Variants in GALNT18 observed in about 807,000 individuals in gnomAD.
GALNT18 encodes polypeptide N-acetylgalactosaminyltransferase 18.
A neutral mutation model predicts 69.5 loss-of-function variants in GALNT18; 44 were observed. That is an observed-to-expected ratio of 0.63 (90% CI 0.50 to 0.81). The LOEUF (loss-of-function observed/expected upper bound fraction) is 0.81, where lower values mean the gene tolerates loss of function less well. Ranked by LOEUF, GALNT18 falls within the 40% of genes least tolerant of loss-of-function variation. The pLI, the probability that GALNT18 is intolerant of heterozygous loss-of-function variation, is 0.00. For synonymous variants in GALNT18, 364 were observed against 318.2 expected (o/e 1.14, Z -1.53); for missense variants, 715 against 810.0 (o/e 0.88, Z 1.42).
chr11:11,278,134 C>T (rs1294730342), intron 10 of GALNT18, among the ~76,000 whole-genome samples: 1 of 151,634 alleles, frequency 6.6e-6, no homozygotes, highest in Non-Finnish European at 1.5e-5. Context: ...GTGTGGGGGT[C>T]TAAGTCTCAT....
chr11:11,401,817 C>A (rs1394812759), intron 3 of GALNT18, among the ~76,000 whole-genome samples: 1 of 152,112 alleles, frequency 6.6e-6, no homozygotes, highest in African/African-American at 2.4e-5. Flanking sequence ...AGTTCCTAGC[C>A]AAAGGGAAGG....
rs563914100 is a variant in GALNT18, at chr11:11,562,098, A to C, written c.235+59261T>G. On this transcript the variant is annotated intron_variant, in intron 1 of 10. Coordinates refer to ENST00000227756, the MANE Select transcript of GALNT18 (RefSeq NM_198516.3). The surrounding 1 kb of genome is among the most constrained non-coding windows in gnomAD (Gnocchi z 4.1). The stretch of plus-strand genomic sequence containing the variant: ...GGATTGCTCCCTGCATTAGTTTGCT[A>C]GTGCTGTCCTAACTAAGTAGCACAG... Among the ~76,000 whole-genome samples the C allele has an allele frequency of 6.6e-6, 1 of 152,350 alleles. No individual in the cohort carries two copies. Among genetic ancestry groups the C allele is most frequent in the Admixed American group, 6.5e-5 (1 of 15,302 alleles).
chr11:11,311,371 T>C (rs991367117), intron 9 of GALNT18, among the ~76,000 whole-genome samples: 2 of 152,254 alleles, frequency 1.3e-5, no homozygotes, highest in African/African-American at 4.8e-5. Flanking sequence ...TTGCAACTTA[T>C]ACTCTGTCAC....
At chr11:11,392,632 GA>G (rs1162623182) in intron 3 of GALNT18, among the ~76,000 whole-genome samples, 3 of 151,906 alleles carry the variant, frequency 2.0e-5, no homozygotes, top group Non-Finnish European at 4.4e-5. Flanking sequence ...AAAGAAAAAA[GA>G]AAAAAAGTCA....
Position 11,621,328 on chromosome 11 carries a change from T to C in GALNT18, c.235+31A>G. Reference sequence around the variant, plus strand: ...CCGCGCGGGGCACTCCCGGGCCTCATGGGCGACCCAAGTTTCCGGGGCGCC... The same window carrying C: ...CCGCGCGGGGCACTCCCGGGCCTCACGGGCGACCCAAGTTTCCGGGGCGCC... On this transcript the variant is annotated intron_variant, in intron 1 of 10. Transcript: ENST00000227756. This position sits in a 1 kb window ranked among gnomAD's most constrained non-coding sequence, Gnocchi z 9.3. 2 of 1,593,986 alleles carry C rather than the reference T, an allele frequency of 1.3e-6. No homozygotes were observed. The highest frequency in any genetic ancestry group is 1.1e-5 in the South Asian group (1 of 90,454).
At chr11:11,316,444 C>A (rs781727243) in intron 9 of GALNT18, among the ~76,000 whole-genome samples, 1 of 152,152 alleles carries the variant, frequency 6.6e-6, no homozygotes, top group Non-Finnish European at 1.5e-5. Context: ...AATGCCCCTG[C>A]GGACACTGGG....
At chr11:11,531,952 G>A (rs538034731) in intron 1 of GALNT18, among the ~76,000 whole-genome samples, 18 of 152,244 alleles carry the variant, frequency 1.2e-4, no homozygotes, top group East Asian at 3.9e-4. Flanking sequence ...ACTATACACC[G>A]CAGTCTCTAC....
At position 11,341,941 on chromosome 11, in the gene GALNT18, G is replaced by A. The variant is rs1367630438; in HGVS notation, c.1093-937C>T. On this transcript the variant is annotated intron_variant, in intron 6 of 10. Coordinates refer to ENST00000227756, the MANE Select transcript of GALNT18 (RefSeq NM_198516.3). The surrounding 1 kb of genome is among the most constrained non-coding windows in gnomAD (Gnocchi z 6.3). ...GTGTGAGACAAGCCTGGGCAACATA[G>A]TGAGATCCTGTCTCTAAAACATTAA... is the stretch of plus-strand genomic sequence containing the variant. Among the ~76,000 whole-genome samples the A allele has an allele frequency of 6.6e-6, 1 of 151,368 alleles. No homozygotes were observed. Among genetic ancestry groups the A allele is most frequent in the South Asian group, 2.1e-4 (1 of 4,756 alleles).
chr11:11,406,226 C>T (rs549449644), intron 3 of GALNT18, among the ~76,000 whole-genome samples: 1 of 152,164 alleles, frequency 6.6e-6, no homozygotes, highest in Admixed American at 6.5e-5. Flanking sequence ...AGCATATAGC[C>T]TGGGTTAGTG....
At chr11:11,317,710 C>G (rs1344102897) in intron 9 of GALNT18, among the ~76,000 whole-genome samples, 4 of 152,102 alleles carry the variant, frequency 2.6e-5, no homozygotes, top group Non-Finnish European at 5.9e-5. Flanking sequence ...TTAATAATTC[C>G]TTTTGCTATG....
At chr11:11,390,595 T>G (rs200158974) in intron 3 of GALNT18, among the ~76,000 whole-genome samples, 1 of 152,192 alleles carries the variant, frequency 6.6e-6, no homozygotes, top group Non-Finnish European at 1.5e-5. Flanking sequence ...GCCTGGCTGA[T>G]TCATGACTCA....
chr11:11,443,706 A>T (rs930756703), intron 2 of GALNT18, among the ~76,000 whole-genome samples: 8 of 152,192 alleles, frequency 5.3e-5, no homozygotes, highest in African/African-American at 1.9e-4. Context: ...CCAGGAAGGA[A>T]GCAAGTGAAC....
At chr11:11,414,985 G>A (rs941861365) in intron 3 of GALNT18, among the ~76,000 whole-genome samples, 3 of 152,164 alleles carry the variant, frequency 2.0e-5, no homozygotes, top group Non-Finnish European at 2.9e-5. Flanking sequence ...ACTCGTTGTT[G>A]GCACAATTCG....
rs1860105469 is a variant in GALNT18 at position 11,618,298 on chromosome 11, A to G, written c.235+3061T>C. Among the ~76,000 whole-genome samples the G allele has an allele frequency of 6.6e-6, 1 of 152,240 alleles. No individual in the cohort carries two copies. Among genetic ancestry groups the G allele is most frequent in the Admixed American group, 6.5e-5 (1 of 15,284 alleles). ...TTGGAGAGTGGTAACACTTTCATTA[A>G]TAACCAACGTGGCCATAGGCATCAG... On this transcript the variant is annotated intron_variant, in intron 1 of 10. Transcript: ENST00000227756. This position sits in a 1 kb window ranked among gnomAD's most constrained non-coding sequence, Gnocchi z 6.1.
chr11:11,514,652 A>C (rs1590064954), intron 1 of GALNT18, among the ~76,000 whole-genome samples: 1 of 152,232 alleles, frequency 6.6e-6, no homozygotes, highest in African/African-American at 2.4e-5. Context: ...TAGTTCAAAT[A>C]GACTTCTACT....
chr11:11,549,747 G>A (rs1858147191), intron 1 of GALNT18, among the ~76,000 whole-genome samples: 1 of 152,188 alleles, frequency 6.6e-6, no homozygotes, highest in African/African-American at 2.4e-5. Flanking sequence ...CAACCCTAGT[G>A]GCTGGGCTGG....
chr11:11,423,502 A>G lies in GALNT18; in HGVS notation c.595+9119T>C, dbSNP rs538769095. On this transcript the variant is annotated intron_variant, in intron 3 of 10. Coordinates refer to ENST00000227756, the MANE Select transcript of GALNT18 (RefSeq NM_198516.3). ...ACCCAACAGAAGCCAGAAAGCCTCT[A>G]TGCAACCCATCTCTCCTTCTTACTG... 2.0e-5 allele frequency among the ~76,000 whole-genome samples: 3 copies of G among 152,300 alleles called. No homozygotes were observed. The South Asian group carries it at 6.2e-4, about 32-fold the overall frequency.
In GALNT18 at chr11:11,583,641, G is replaced by A. The variant is rs561624439; in HGVS notation, c.235+37718C>T. On this transcript the variant is annotated intron_variant, in intron 1 of 10. Coordinates refer to ENST00000227756, the MANE Select transcript of GALNT18 (RefSeq NM_198516.3). The surrounding 1 kb of genome is among the most constrained non-coding windows in gnomAD (Gnocchi z 4.7). ...CCAAAGACCAGAGGTCCCATGAGAC[G>A]CCACTTCTTCAAATGCCGACATTTT... 2.1e-4 allele frequency among the ~76,000 whole-genome samples: 32 copies of A among 152,184 alleles called. No individual in the cohort carries two copies. The highest frequency in any genetic ancestry group is 7.5e-4 in the African/African-American group (31 of 41,512).
Position 11,432,911 on chromosome 11 carries a change from C to T in GALNT18, c.429-124G>A. The T allele has an allele frequency of 4.6e-6, 4 of 876,030 alleles. No homozygotes were observed. Among genetic ancestry groups the T allele is most frequent in the Non-Finnish European group, 6.9e-6 (4 of 581,738 alleles). The allele number at this position is 876,030 out of a possible 1,614,324, so 54.3% of individuals were successfully genotyped here. A position where few individuals can be genotyped will look rare whatever the true frequency, so the allele number is the denominator to read the frequency against. On this transcript the variant is annotated intron_variant, in intron 2 of 10. Transcript: ENST00000227756. The surrounding 1 kb of genome is among the most constrained non-coding windows in gnomAD (Gnocchi z 5.8). ...CGGGAGTCCAGATTCTTCCAAGGGC[C>T]CCTTCTTTGATGCACTTAAGATGAG...
Sources: gnomAD v4.1 joint callset for allele counts (sites outside exome capture counted in the v4.1 genomes callset) on GRCh38, gnomAD v4.1.1 for gene constraint, Gnocchi (gnomAD v3.1) non-coding constraint, MANE v1.5 for transcripts, NCBI Gene and HGNC (gene_info 2026-07-23, HGNC 2026-07-21) for gene names.